EPHA3: variants seen among roughly 807,000 people sequenced by gnomAD.
The protein encoded by EPHA3 is ephrin type-A receptor 3.
A neutral mutation model predicts 107.1 loss-of-function variants in EPHA3; 42 were observed. That is an observed-to-expected ratio of 0.39 (90% CI 0.31 to 0.51). The LOEUF is 0.51. EPHA3 is among the 20% of genes least tolerant of loss of function. EPHA3 has a pLI of 0.78. For synonymous variants in EPHA3, 461 were observed against 424.8 expected (o/e 1.09, Z -1.05); for missense variants, 1,183 against 1,211.2 (o/e 0.98, Z 0.35).
rs376336328 is a variant in EPHA3, at chr3:89,308,924, T to A, written c.815-31992T>A. Among the ~76,000 whole-genome samples, 3 of 152,264 alleles carry A rather than the reference T, an allele frequency of 2.0e-5. No homozygotes were observed. In the East Asian group the frequency reaches 5.8e-4, roughly 29 times the overall value. ...ATTCAGTCTTTTCTTAGACTACTTT[T>A]CCATTATGATTGATCACTTCTTCCT... On this transcript the variant is annotated intron_variant, in intron 3 of 16. Coordinates refer to ENST00000336596, the MANE Select transcript of EPHA3 (RefSeq NM_005233.6).
intron 1 of EPHA3, among the ~76,000 whole-genome samples, chr3:89,122,503 A>G (rs989300818): frequency 6.6e-6 from 1 of 152,210 alleles, no homozygotes; most frequent in African/African-American, 2.4e-5. Flanking sequence ...CACAAAGCCT[A>G]TGGGTGTATT....
chr3:89,302,068 A>G (rs1042020597), intron 3 of EPHA3, among the ~76,000 whole-genome samples: 4 of 152,214 alleles, frequency 2.6e-5, no homozygotes, highest in Non-Finnish European at 4.4e-5. Flanking sequence ...TATTTCATGG[A>G]TAAATAAATA....
intron 6 of EPHA3, among the ~76,000 whole-genome samples, chr3:89,398,148 G>GTGC (rs1295984630): frequency 6.6e-6 from 1 of 152,152 alleles, no homozygotes; most frequent in Non-Finnish European, 1.5e-5. Context: ...GTGATTAACA[G>GTGC]TATATGTAAT....
At chr3:89,158,843 A>C (rs776965686) in intron 2 of EPHA3, among the ~76,000 whole-genome samples, 2 of 152,136 alleles carry the variant, frequency 1.3e-5, no homozygotes, top group Non-Finnish European at 2.9e-5. Context: ...AAAGGAGTGG[A>C]AACTTGGTAG....
intron 2 of EPHA3, among the ~76,000 whole-genome samples, chr3:89,160,589 T>TGTG (rs371399940): frequency 6.9e-6 from 1 of 145,004 alleles, no homozygotes; most frequent in Admixed American, 7.0e-5. Flanking sequence ...TGTGTGTGTG[T>TGTG]GCGCGCATTC....
intron 11 of EPHA3, among the ~76,000 whole-genome samples, chr3:89,428,094 T>C (rs1041246279): frequency 6.6e-6 from 1 of 151,986 alleles, no homozygotes; most frequent in African/African-American, 2.4e-5. Context: ...ACTAAATCAT[T>C]ATCTGTAGTG....
At chr3:89,284,561 C>G (rs1163582711) in intron 3 of EPHA3, among the ~76,000 whole-genome samples, 1 of 151,952 alleles carries the variant, frequency 6.6e-6, no homozygotes, top group Non-Finnish European at 1.5e-5. Context: ...TAACAATTTC[C>G]TGCCATACAA....
At chr3:89,299,830 T>C (rs1265648217) in intron 3 of EPHA3, among the ~76,000 whole-genome samples, 1 of 152,064 alleles carries the variant, frequency 6.6e-6, no homozygotes, top group Non-Finnish European at 1.5e-5. Flanking sequence ...ATAGTTGATT[T>C]GTGTGATATC....
chr3:89,432,503 C>T (rs1042771001), intron 13 of EPHA3, among the ~76,000 whole-genome samples: 4 of 152,078 alleles, frequency 2.6e-5, no homozygotes, highest in Non-Finnish European at 4.4e-5. Flanking sequence ...CTCCCGGGCT[C>T]AAGTGATCCT....
chr3:89,187,336 A>G (rs1705590693), intron 2 of EPHA3, among the ~76,000 whole-genome samples: 1 of 148,506 alleles, frequency 6.7e-6, no homozygotes, highest in Non-Finnish European at 1.5e-5. Context: ...AAATTAATAA[A>G]TATTAATAAA....
chr3:89,267,327 A>C (rs975691579), intron 3 of EPHA3, among the ~76,000 whole-genome samples: 2 of 152,156 alleles, frequency 1.3e-5, no homozygotes, highest in African/African-American at 4.8e-5. Flanking sequence ...GTGTACTTCA[A>C]TTGGAAGGGA....
At chr3:89,258,493 T>C (rs780142957) in intron 3 of EPHA3, among the ~76,000 whole-genome samples, 1 of 152,106 alleles carries the variant, frequency 6.6e-6, no homozygotes, top group Non-Finnish European at 1.5e-5. Context: ...CCATTGTACA[T>C]GACAAATTTC....
intron 5 of EPHA3, among the ~76,000 whole-genome samples, chr3:89,387,385 C>T (rs182561286): frequency 1.1e-3 from 168 of 152,288 alleles, no homozygotes; most frequent in African/African-American, 3.9e-3. Flanking sequence ...CTCTGCACTT[C>T]TCCTTGCTGC....
chr3:89,195,297 TA>T (rs1364988099), intron 2 of EPHA3, among the ~76,000 whole-genome samples: 1 of 152,042 alleles, frequency 6.6e-6, no homozygotes, highest in East Asian at 1.9e-4. Flanking sequence ...GACAGGTTCA[TA>T]AAAAACAGGA....
rs192113624 is a variant in EPHA3 at position 89,428,023 on chromosome 3, T to C, written c.2075-1083T>C. ...ACGCTGTAACAATTGTCTAAAGTGC[T>C]TAAGTCTTAAGGTCATCATTTTAAT... On this transcript the variant is annotated intron_variant, in intron 11 of 16. Transcript: ENST00000336596. Among the ~76,000 whole-genome samples, 338 of 152,122 alleles carry C rather than the reference T, an allele frequency of 2.2e-3. 2 individuals are homozygous for C. The highest frequency in any genetic ancestry group is 7.6e-3 in the African/African-American group (317 of 41,558).
chr3:89,152,381 T>C (rs1704708143), intron 2 of EPHA3, among the ~76,000 whole-genome samples: 1 of 152,014 alleles, frequency 6.6e-6, no homozygotes, highest in African/African-American at 2.4e-5. Flanking sequence ...GCACAGGCCT[T>C]CTCTTTCCAC....
chr3:89,288,880 T>C (rs1706149835), intron 3 of EPHA3, among the ~76,000 whole-genome samples: 1 of 152,152 alleles, frequency 6.6e-6, no homozygotes, highest in South Asian at 2.1e-4. Context: ...CTAAACAGTT[T>C]TAAAAGTTCT....
At chr3:89,342,605 T>C (rs1193140077) in intron 5 of EPHA3, among the ~76,000 whole-genome samples, 5 of 152,170 alleles carry the variant, frequency 3.3e-5, no homozygotes, top group Non-Finnish European at 7.3e-5. Context: ...GGATTTTAAT[T>C]GTGAATCTCT....
At chr3:89,267,387 CTG>C (rs1705562226) in intron 3 of EPHA3, among the ~76,000 whole-genome samples, 1 of 152,116 alleles carries the variant, frequency 6.6e-6, no homozygotes, top group Middle Eastern at 3.2e-3. Flanking sequence ...CTATTTTACA[CTG>C]TGGCTAATTC....
Sources: gnomAD v4.1 joint callset for allele counts (sites outside exome capture counted in the v4.1 genomes callset) on GRCh38, gnomAD v4.1.1 for gene constraint, MANE v1.5 for transcripts, NCBI Gene and HGNC (gene_info 2026-07-23, HGNC 2026-07-21) for gene names.